The following ANKFN1 variants were observed in gnomAD, a reference collection of about 807,000 sequenced individuals.
ANKFN1 encodes ankyrin repeat and fibronectin type-III domain-containing protein 1.
Under a neutral mutation model 108.7 loss-of-function variants are expected in ANKFN1, and 74 were observed. The observed-to-expected ratio is 0.68, with a 90% confidence interval of 0.56 to 0.83. The LOEUF (loss-of-function observed/expected upper bound fraction) is 0.83. Among genes scored for constraint, ANKFN1 ranks in the 40% least tolerant of loss-of-function variants. ANKFN1 has a pLI of 0.00. For synonymous variants in ANKFN1, 547 were observed against 516.2 expected (o/e 1.06, Z -0.81); for missense variants, 1,505 against 1,382.3 (o/e 1.09, Z -1.41).
At chr17:56,383,076 G>C (rs1047418260) in intron 8 of ANKFN1, among the ~76,000 whole-genome samples, 1 of 152,096 alleles carries the variant, frequency 6.6e-6, no homozygotes, top group African/African-American at 2.4e-5. Flanking sequence ...CACATAGTTG[G>C]AAGTAAAGCC....
chr17:56,320,951 C>G lies in ANKFN1; in HGVS notation c.54-5270C>G, dbSNP rs139578799. On this transcript the variant is annotated intron_variant, in intron 3 of 20. Coordinates refer to ENST00000682825, the MANE Select transcript of ANKFN1 (RefSeq NM_001370326.1). ...ACTTAGAGAAAAATTCTAAAAGAGG[C>G]TTTCTCAGGATATTTTGAGACCGTT... 6.4e-3 allele frequency among the ~76,000 whole-genome samples: 969 copies of G among 151,676 alleles called. 6 individuals carry two copies. The highest frequency in any genetic ancestry group is 0.021 in the African/African-American group (866 of 41,348).
chr17:56,328,110 T>G (rs973533488), intron 4 of ANKFN1, among the ~76,000 whole-genome samples: 1 of 152,204 alleles, frequency 6.6e-6, no homozygotes, highest in Non-Finnish European at 1.5e-5. Flanking sequence ...TGATTAGTGA[T>G]AACTGATTTG....
intron 8 of ANKFN1, among the ~76,000 whole-genome samples, chr17:56,425,795 C>T (rs1359494487): frequency 6.6e-6 from 1 of 152,226 alleles, no homozygotes; most frequent in Admixed American, 6.5e-5. Flanking sequence ...GAGCCTGCCT[C>T]TATCATTACT....
At chr17:56,195,264 A>G (rs1913403518) in intron 1 of ANKFN1, 1 of 152,210 alleles carries the variant, frequency 6.6e-6, no homozygotes, top group Admixed American at 6.5e-5. Flanking sequence ...ACCATTTTGA[A>G]TGTTAAAAAC....
At chr17:56,057,524 G>A (rs367900497) in intron 4 of ANKFN1, among the ~76,000 whole-genome samples, 7 of 152,270 alleles carry the variant, frequency 4.6e-5, no homozygotes, top group South Asian at 2.1e-4. Flanking sequence ...AGTGGCTCAC[G>A]CCTGTAATCC....
chr17:56,111,375 G>A (rs889014771), intron 4 of ANKFN1, among the ~76,000 whole-genome samples: 2 of 152,178 alleles, frequency 1.3e-5, no homozygotes, highest in African/African-American at 2.4e-5. Context: ...CTTACTCTCT[G>A]CCTACCACCT....
intron 1 of ANKFN1, among the ~76,000 whole-genome samples, chr17:56,187,224 T>G (rs939120407): frequency 1.3e-5 from 2 of 151,962 alleles, no homozygotes; most frequent in African/African-American, 4.8e-5. Flanking sequence ...AAAAAGAACT[T>G]AAACAAATTT....
At chr17:56,438,265 A>G (rs892997259) in intron 8 of ANKFN1, among the ~76,000 whole-genome samples, 1 of 152,184 alleles carries the variant, frequency 6.6e-6, no homozygotes, top group African/African-American at 2.4e-5. Flanking sequence ...TGACTTTGCT[A>G]GGTCCTAAAT....
intron 4 of ANKFN1, among the ~76,000 whole-genome samples, chr17:56,117,406 A>G (rs887713053): frequency 6.6e-6 from 1 of 152,196 alleles, no homozygotes; most frequent in African/African-American, 2.4e-5. Flanking sequence ...CACGGTAGTC[A>G]TCATTGGACT....
chr17:56,474,368 G>A (rs936393633), intron 15 of ANKFN1, among the ~76,000 whole-genome samples: 1 of 152,166 alleles, frequency 6.6e-6, no homozygotes, highest in African/African-American at 2.4e-5. Context: ...TTGTTCTATT[G>A]CTATAATAAA....
At position 56,176,072 on chromosome 17, in the gene ANKFN1, G is replaced by A. The variant is rs552166088; in HGVS notation, c.-71+22542G>A. On this transcript the variant is annotated intron_variant, in intron 1 of 20. Transcript: ENST00000682825. ...GTGACATGAAGGGGGGTACTGGGAG[G>A]GGAGGATTGTTCTTATCACCCTGCT... Among the ~76,000 whole-genome samples the A allele has an allele frequency of 7.9e-5, 12 of 152,090 alleles. No individual in the cohort carries two copies. The South Asian group carries it at 2.5e-3, about 32-fold the overall frequency.
At chr17:56,426,555 T>C (rs1263143719) in intron 8 of ANKFN1, among the ~76,000 whole-genome samples, 1 of 152,152 alleles carries the variant, frequency 6.6e-6, no homozygotes, top group Non-Finnish European at 1.5e-5. Flanking sequence ...ATGTTGAAAA[T>C]TTAGAGATAT....
chr17:56,488,598 A>G (rs530104903), intron 18 of ANKFN1, among the ~76,000 whole-genome samples: 1 of 152,300 alleles, frequency 6.6e-6, no homozygotes, highest in African/African-American at 2.4e-5. Flanking sequence ...CCTAATACCC[A>G]TTTTACATGA....
At chr17:56,111,803 G>A (rs1598099545) in intron 4 of ANKFN1, among the ~76,000 whole-genome samples, 1 of 152,148 alleles carries the variant, frequency 6.6e-6, no homozygotes, top group Non-Finnish European at 1.5e-5. Flanking sequence ...AAAGAGGATG[G>A]CAAAATACTG....
intron 14 of ANKFN1, among the ~76,000 whole-genome samples, chr17:56,458,451 A>G (rs960539139): frequency 3.9e-5 from 6 of 152,134 alleles, no homozygotes; most frequent in African/African-American, 1.4e-4. Flanking sequence ...TGATTTTGGT[A>G]AAGCATAGAC....
rs1351669051 is a variant in ANKFN1 at position 56,083,259 on chromosome 17, G to C, written c.288+36934G>C. ...TCAATAAAGGTCACTAAAACAAAAT[G>C]GAGAAACTGAAGCCTACACACTGGG... is the stretch of plus-strand genomic sequence containing the variant. On this transcript the variant is annotated intron_variant, in intron 4 of 12. Coordinates refer to the ANKFN1 transcript ENST00000635860. Among the ~76,000 whole-genome samples, 3 of 151,422 alleles carry C rather than the reference G, an allele frequency of 2.0e-5. No individual in the cohort carries two copies. The East Asian group carries it at 5.8e-4, about 29-fold the overall frequency.
chr17:56,368,130 C>T, intron 6 of ANKFN1: 2 of 1,275,858 alleles, frequency 1.6e-6, no homozygotes, highest in Non-Finnish European at 2.1e-6. Context: ...TGAGCCTGAT[C>T]ACTATAAATA....
At chr17:56,159,098 A>T (rs1909396193) in intron 1 of ANKFN1, among the ~76,000 whole-genome samples, 1 of 150,522 alleles carries the variant, frequency 6.6e-6, no homozygotes, top group South Asian at 2.1e-4. Context: ...AGGAGGAGGA[A>T]GAAGAAGTAG....
intron 10 of ANKFN1, 83 bp downstream of exon 10, chr17:56,443,016 T>A: frequency 7.3e-7 from 1 of 1,367,142 alleles, no homozygotes; most frequent in Non-Finnish European, 1.0e-6. Flanking sequence ...TGCCATTCCC[T>A]TCCCCCACTG....
Sources: allele counts gnomAD v4.1 joint callset (sites outside exome capture counted in the v4.1 genomes callset), GRCh38; gene constraint gnomAD v4.1.1; transcripts MANE v1.5; gene names NCBI Gene and HGNC (gene_info 2026-07-23, HGNC 2026-07-21).